SEPTIN5: variants seen among roughly 807,000 people sequenced by gnomAD.
SEPTIN5 encodes septin-5.
In SEPTIN5, 16 loss-of-function variants were observed where a neutral mutation model predicts 51.2. The observed-to-expected ratio is 0.31, with a 90% CI of 0.21 to 0.47. The LOEUF is 0.47. Ranked by LOEUF, SEPTIN5 falls within the 20% of genes least tolerant of loss-of-function variation. The pLI, the probability that SEPTIN5 is intolerant of heterozygous loss-of-function variation, is 0.99. For missense variants in SEPTIN5, 376 were observed against 500.3 expected, an observed-to-expected ratio of 0.75 and a Z score of 2.37; for synonymous variants, 208 against 191.2, an observed-to-expected ratio of 1.09 and a Z score of -0.72.
intron 5 of SEPTIN5, 37 bp downstream of exon 5, chr22:19,720,275 G>T (rs760556947): frequency 6.2e-7 from 1 of 1,613,428 alleles, no homozygotes; most frequent in Non-Finnish European, 8.5e-7. Context: ...TTGCCTAGGC[G>T]GCCACAGCAC....
rs1601240345 is a variant in SEPTIN5, at chr22:19,718,967, G to A, written c.55-635G>A. ...CGGCCTCGCAGGTCCGCGGCCCCAC[G>A]GTGGGGCGACGTGCCCTGTCCAGGC... On this transcript the variant is annotated intron_variant, in intron 2 of 11. Coordinates refer to ENST00000455784, the MANE Select transcript of SEPTIN5 (RefSeq NM_002688.6). 16 of 787,148 alleles carry A rather than the reference G, an allele frequency of 2.0e-5. No homozygotes were observed. In the East Asian group the frequency reaches 5.1e-4, roughly 25 times the overall value. The allele number at this position is 787,148 out of a possible 1,614,324, so 48.8% of individuals were successfully genotyped here.
intron 2 of SEPTIN5, 26 bp from the exon 3 acceptor site, chr22:19,719,576 C>A: frequency 1.3e-6 from 2 of 1,589,186 alleles, no homozygotes; most frequent in South Asian, 2.2e-5. Flanking sequence ...CCTTTGTGTC[C>A]CTACCCTGTT....
At position 19,720,384 on chromosome 22, in the gene SEPTIN5, C is replaced by T; in HGVS notation, c.427C>T (p.Leu143Phe). 1 of 1,614,016 alleles carries T rather than the reference C, an allele frequency of 6.2e-7. No individual in the cohort carries two copies. Among genetic ancestry groups the T allele is most frequent in the Non-Finnish European group, 8.5e-7 (1 of 1,180,024 alleles). ...GCAGTACTTCCGTGATGAGAGCGGCCTCAACCGAAAGAACATCCAAGACAA... is the reference window on the plus strand; with the variant it reads ...GCAGTACTTCCGTGATGAGAGCGGCTTCAACCGAAAGAACATCCAAGACAA... The part of the protein sequence containing the change: ...FEQYFRDESG[L>F]NRKNIQDNRV... The change falls in exon 6 of 12, where the codon CTC (leucine) becomes TTC (phenylalanine). Residue 143 changes from leucine (L) to phenylalanine (F), a missense_variant. Around this residue, in one of 2 missense-constraint regions of SEPTIN5, gnomAD observed 287 missense variants for 417.1 expected, o/e 0.69. Coordinates refer to ENST00000455784, the MANE Select transcript of SEPTIN5 (RefSeq NM_002688.6).
chr22:19,722,591 C>A lies in SEPTIN5; in HGVS notation c.*107C>A. 1.6e-6 allele frequency: 2 copies of A among 1,214,700 alleles called. No homozygotes were observed. Among genetic ancestry groups the A allele is most frequent in the Non-Finnish European group, 2.3e-6 (2 of 855,264 alleles). The allele number at this position is 1,214,700 out of a possible 1,614,324, so 75.2% of individuals were successfully genotyped here. ...CGCGGGGCCACAGCCCCCAGCTGAC[C>A]CTAATTTATTCTCAGCACCACCCCC... On this transcript the variant is annotated 3_prime_UTR_variant, in exon 12 of 12. Transcript: ENST00000455784.
intron 2 of SEPTIN5, chr22:19,717,279 T>C (rs1358712633): frequency 2.1e-6 from 1 of 470,490 alleles, no homozygotes; most frequent in Admixed American, 2.3e-5. Context: ...CCAGGCCCCA[T>C]GTCCTGCTCC....
chr22:19,715,866 C>T (rs1935904794), intron 2 of SEPTIN5, among the ~76,000 whole-genome samples: 1 of 152,170 alleles, frequency 6.6e-6, no homozygotes, highest in Admixed American at 6.5e-5. Context: ...AGCTGCCTCC[C>T]CATCACAGCA....
intron 2 of SEPTIN5, chr22:19,718,877 C>T: frequency 8.2e-7 from 1 of 1,225,328 alleles, no homozygotes; most frequent in Non-Finnish European, 1.0e-6. Flanking sequence ...CGGGACTCGG[C>T]ATGGGGTCCC....
Position 19,722,508 on chromosome 22 carries a change from G to A in SEPTIN5, c.*24G>A, listed in dbSNP as rs774157952. ...GACGCTCGCCGCGGACACACCGTCC[G>A]TCTCCGGGACGCCCTCGCACCCCTG... On this transcript the variant is annotated 3_prime_UTR_variant, in exon 12 of 12. Coordinates refer to ENST00000455784, the MANE Select transcript of SEPTIN5 (RefSeq NM_002688.6). The A allele has an allele frequency of 4.4e-6, 7 of 1,575,850 alleles. No individual in the cohort carries two copies. Among genetic ancestry groups the A allele is most frequent in the East Asian group, 2.4e-5 (1 of 42,250 alleles).
Position 19,723,243 on chromosome 22 carries a change from C to T in SEPTIN5, c.*759C>T, listed in dbSNP as rs908283534. 3.0e-6 allele frequency: 2 copies of T among 662,218 alleles called. No homozygotes were observed. The highest frequency in any genetic ancestry group is 3.5e-5 in the African/African-American group (2 of 56,662). 41.0% of individuals were successfully genotyped at this position (662,218 alleles called of 1,614,324 possible). On this transcript the variant is annotated 3_prime_UTR_variant, in exon 12 of 12. Transcript: ENST00000455784. ...TCCCACCCGCATGATCCCTTCCCGC[C>T]ACACGATGCTCCGTTTTCTTCCGTT...
rs965340952 is a variant in SEPTIN5, at chr22:19,722,078, C to T, written c.950+121C>T. The T allele has an allele frequency of 1.1e-5, 15 of 1,316,982 alleles. 1 individual carries two copies. Among genetic ancestry groups the T allele is most frequent in the South Asian group, 1.0e-4 (7 of 70,210 alleles). The allele number at this position is 1,316,982 out of a possible 1,614,324, so 81.6% of individuals were successfully genotyped here. A position where few individuals can be genotyped will look rare whatever the true frequency, so the allele number is the denominator to read the frequency against. On this transcript the variant is annotated intron_variant, in intron 10 of 11. Transcript: ENST00000455784. ...CTTTGCACCATTCCCTAAGCCCCCC[C>T]CCTCCCCCAGAGCCTGGTCTCCCTA...
intron 2 of SEPTIN5, chr22:19,718,470 G>A (rs553931538): frequency 1.2e-4 from 143 of 1,151,488 alleles, no homozygotes; most frequent in Non-Finnish European, 1.4e-4. Flanking sequence ...GCTCGGGTGC[G>A]GGAGCGGGGC....
chr22:19,719,762 G>A, intron 3 of SEPTIN5, 44 bp from the exon 4 acceptor site: 3 of 1,612,062 alleles, frequency 1.9e-6, no homozygotes, highest in Non-Finnish European at 1.7e-6. Context: ...TCTGTCGTTG[G>A]AGCCCCAGAC....
At chr22:19,717,638 G>A (rs1193462342) in intron 2 of SEPTIN5, 2 of 296,696 alleles carry the variant, frequency 6.7e-6, no homozygotes, top group Non-Finnish European at 1.3e-5. Flanking sequence ...CCGGCAGCCT[G>A]CACCCTTCCT....
chr22:19,719,926 C>G (rs370921057), intron 4 of SEPTIN5, 34 bp downstream of exon 4: 178 of 1,609,324 alleles, frequency 1.1e-4, no homozygotes, highest in Middle Eastern at 1.9e-4. Context: ...GGCACTGATC[C>G]CCAGTCCCCT....
Position 19,722,717 on chromosome 22 carries a change from T to C in SEPTIN5, c.*233T>C, listed in dbSNP as rs545297926. ...GATCAGGAGCGAAGTTGGGCGGGAC[T>C]TCAGAGATCCGCCTCCCTTGCCCTT... On this transcript the variant is annotated 3_prime_UTR_variant, in exon 12 of 12. Coordinates refer to ENST00000455784, the MANE Select transcript of SEPTIN5 (RefSeq NM_002688.6). The C allele has an allele frequency of 3.4e-6, 2 of 581,394 alleles. No individual in the cohort carries two copies. Among genetic ancestry groups the C allele is most frequent in the South Asian group, 4.0e-5 (2 of 49,612 alleles). 36.0% of individuals were successfully genotyped at this position (581,394 alleles called of 1,614,324 possible).
At position 19,721,718 on chromosome 22, in the gene SEPTIN5, C is replaced by A; in HGVS notation, c.796C>A (p.Pro266Thr). 1.2e-6 allele frequency: 2 copies of A among 1,610,556 alleles called. No individual in the cohort carries two copies. Among genetic ancestry groups the A allele is most frequent in the Non-Finnish European group, 1.7e-6 (2 of 1,178,256 alleles). ...GCAGCGGGTCCGGGGCCGACTGTAC[C>A]CCTGGGGGATCGTGGAGGGTGAGTA... ...KGQRVRGRLY[P>T]WGIVEVENQA... Residue 266 changes from proline to threonine, a missense_variant, in exon 9 of 12, where the codon CCC becomes ACC. Coordinates refer to ENST00000455784, the MANE Select transcript of SEPTIN5 (RefSeq NM_002688.6).
chr22:19,722,117 G>A lies in SEPTIN5; in HGVS notation c.951-120G>A, dbSNP rs1936053036. 1.7e-5 allele frequency: 20 copies of A among 1,201,792 alleles called. No individual in the cohort carries two copies. In the South Asian group the frequency reaches 3.0e-4, roughly 18 times the overall value. The allele number at this position is 1,201,792 out of a possible 1,614,324, so 74.4% of individuals were successfully genotyped here. On this transcript the variant is annotated intron_variant, in intron 10 of 11. Coordinates refer to ENST00000455784, the MANE Select transcript of SEPTIN5 (RefSeq NM_002688.6). ...CTGGTCTCCCTAGAACCAAGTCCAG[G>A]GCTGTGAGGGCTCCGGAGGGCAGGG...
chr22:19,720,636 C>A lies in SEPTIN5; in HGVS notation c.585C>A (p.Val195=), dbSNP rs766849925. ...TCATCGCCAAAGCTGACTGTCTTGT[C>A]CCCAGTGAGATCCGGAAGCTGAAGG... is the stretch of plus-strand genomic sequence containing the variant. ...VPLIAKADCL[V]PSEIRKLKER... Residue 195 remains valine, a synonymous_variant, in exon 7 of 12, where the codon GTC becomes GTA. Transcript: ENST00000455784. 1.9e-6 allele frequency: 3 copies of A among 1,612,828 alleles called. No individual in the cohort carries two copies. Among genetic ancestry groups the A allele is most frequent in the Non-Finnish European group, 2.5e-6 (3 of 1,180,030 alleles).
intron 10 of SEPTIN5, 96 bp from the exon 11 acceptor site, chr22:19,722,141 G>C (rs1936053610): frequency 2.5e-6 from 3 of 1,210,224 alleles, no homozygotes; most frequent in Non-Finnish European, 3.4e-6. Flanking sequence ...CGGAGGGCAG[G>C]GCCTCAGCAG....
Sources: allele counts gnomAD v4.1 joint callset (sites outside exome capture counted in the v4.1 genomes callset), GRCh38; gene constraint gnomAD v4.1.1; regional missense constraint gnomAD v4.1.1; transcripts MANE v1.5; gene names NCBI Gene and HGNC (gene_info 2026-07-23, HGNC 2026-07-21).